ERBIN: variants seen among roughly 807,000 people sequenced by gnomAD.
The protein encoded by ERBIN is densin-180-like protein.
Under a neutral mutation model 158.4 loss-of-function variants are expected in ERBIN, and 60 were observed. The observed-to-expected ratio is 0.38, with a 90% CI of 0.31 to 0.47. ERBIN has a LOEUF of 0.47. Ranked by LOEUF, ERBIN falls within the 20% of genes least tolerant of loss-of-function variation. The probability of loss-of-function intolerance (pLI) is 0.99; values close to 1 mark genes in which losing one functional copy is unlikely to be tolerated. For synonymous variants in ERBIN, 594 were observed against 557.2 expected, an observed-to-expected ratio of 1.07 and a Z score of -0.93; for missense variants, 1,610 against 1,648.0, an observed-to-expected ratio of 0.98 and a Z score of 0.40.
intron 24 of ERBIN, 60 bp from the exon 25 acceptor site, chr5:66,076,815 T>G: frequency 7.8e-7 from 1 of 1,289,758 alleles, no homozygotes; most frequent in South Asian, 1.3e-5. Context: ...AAATTGCTCC[T>G]TGGTACTCTG....
At chr5:66,044,713 C>T (rs1240393384) in intron 17 of ERBIN, among the ~76,000 whole-genome samples, 2 of 151,370 alleles carry the variant, frequency 1.3e-5, no homozygotes, top group Admixed American at 6.6e-5. Flanking sequence ...TGCAGTGAGC[C>T]GAGATCGTAC....
chr5:65,949,737 G>T (rs1216030917), intron 1 of ERBIN, among the ~76,000 whole-genome samples: 2 of 152,150 alleles, frequency 1.3e-5, no homozygotes, highest in Non-Finnish European at 2.9e-5. Flanking sequence ...TTAAACTACA[G>T]AGTTTAATTG....
At chr5:65,960,044 T>C (rs2077932653) in intron 1 of ERBIN, among the ~76,000 whole-genome samples, 1 of 152,192 alleles carries the variant, frequency 6.6e-6, no homozygotes, top group African/African-American at 2.4e-5. Flanking sequence ...TATAGGGAGA[T>C]TTATAACAGC....
chr5:66,000,558 G>A (rs1215867116), intron 4 of ERBIN, among the ~76,000 whole-genome samples: 1 of 152,080 alleles, frequency 6.6e-6, no homozygotes. Flanking sequence ...AAAAGATTTA[G>A]GAAAAGTACT....
chr5:66,070,965 T>C (rs1309675958), intron 21 of ERBIN, among the ~76,000 whole-genome samples: 1 of 152,226 alleles, frequency 6.6e-6, no homozygotes, highest in African/African-American at 2.4e-5. Flanking sequence ...TATCACAATC[T>C]GTTTTGTTTT....
intron 21 of ERBIN, among the ~76,000 whole-genome samples, chr5:66,061,253 G>A (rs1303855146): frequency 1.3e-5 from 2 of 150,070 alleles, no homozygotes; most frequent in Non-Finnish European, 2.9e-5. Flanking sequence ...TATATATTTA[G>A]GATAGTTAGT....
At chr5:66,005,761 A>T (rs541625999) in intron 4 of ERBIN, among the ~76,000 whole-genome samples, 3 of 152,332 alleles carry the variant, frequency 2.0e-5, no homozygotes, top group Admixed American at 1.3e-4. Flanking sequence ...AGTAACAGAC[A>T]AACAGCCAAA....
intron 21 of ERBIN, among the ~76,000 whole-genome samples, chr5:66,061,040 T>A (rs1233593283): frequency 6.6e-6 from 1 of 151,984 alleles, no homozygotes; most frequent in Non-Finnish European, 1.5e-5. Context: ...GGGTGGAGAG[T>A]TCTGTAGATG....
At chr5:65,944,740 A>G (rs1745527591) in intron 1 of ERBIN, among the ~76,000 whole-genome samples, 1 of 152,114 alleles carries the variant, frequency 6.6e-6, no homozygotes, top group African/African-American at 2.4e-5. Flanking sequence ...ATAATTAGAG[A>G]TGTCGAGTAT....
At chr5:66,026,219 T>C (rs1756235407) in intron 12 of ERBIN, 83 bp from the exon 13 acceptor site, 1 of 880,560 alleles carries the variant, frequency 1.1e-6, no homozygotes, top group Admixed American at 3.1e-5. Context: ...GTATTTTTCA[T>C]AACTTTCAAA....
intron 14 of ERBIN, among the ~76,000 whole-genome samples, chr5:66,037,297 T>C (rs1757490697): frequency 6.6e-6 from 1 of 151,694 alleles, no homozygotes; most frequent in Non-Finnish European, 1.5e-5. Flanking sequence ...AGATTGACTA[T>C]GGAAGGTATG....
intron 21 of ERBIN, among the ~76,000 whole-genome samples, chr5:66,061,597 TG>T (rs1251725699): frequency 6.6e-6 from 1 of 152,234 alleles, no homozygotes; most frequent in Non-Finnish European, 1.5e-5. Context: ...TGATGTTAGC[TG>T]GTTATTTTGC....
chr5:65,932,194 C>G (rs1426657464), intron 1 of ERBIN, among the ~76,000 whole-genome samples: 1 of 151,890 alleles, frequency 6.6e-6, no homozygotes, highest in African/African-American at 2.4e-5. Flanking sequence ...AAAAAATTAG[C>G]TCGGTGTGGT....
Position 66,076,407 on chromosome 5 carries a change from A to T in ERBIN, c.4055A>T (p.Asp1352Val). Residue 1352 changes from aspartate to valine, a missense_variant and splice_region_variant, in exon 24 of 26, where the codon GAT (aspartate) becomes GTT (valine). Transcript: ENST00000284037. Reference sequence around the variant, plus strand: ...GGAAACCCATTCAGACCTGATGATGATGTAAGTTTTCTTTGTATATTCTTG... The same window carrying T: ...GGAAACCCATTCAGACCTGATGATGTTGTAAGTTTTCTTTGTATATTCTTG... Reference protein sequence around the residue: ...GRGNPFRPDDDGIFVTRVQPE... With the variant: ...GRGNPFRPDDVGIFVTRVQPE... 6 of 1,604,660 alleles carry T rather than the reference A, an allele frequency of 3.7e-6. No homozygotes were observed. The highest frequency in any genetic ancestry group is 5.1e-6 in the Non-Finnish European group (6 of 1,175,670).
chr5:66,068,189 T>TAAC lies in ERBIN; in HGVS notation c.3634-3973_3634-3971dup, dbSNP rs531327592. On this transcript the variant is annotated intron_variant, in intron 21 of 25. Transcript: ENST00000284037. ...ACAAAAATAATAATAATAATAATAATAACAACAACTAGCCAGGTGTGGTAA... is the reference window on the plus strand; with the variant it reads ...ACAAAAATAATAATAATAATAATAATAACAACAACAACTAGCCAGGTGTGGTAA... Among the ~76,000 whole-genome samples, 561 of 151,442 alleles carry TAAC rather than the reference T, an allele frequency of 3.7e-3. 6 individuals are homozygous for TAAC. Among genetic ancestry groups the TAAC allele is most frequent in the African/African-American group, 0.013 (542 of 41,218 alleles).
At chr5:66,051,511 A>G (rs1478800595) in intron 20 of ERBIN, among the ~76,000 whole-genome samples, 1 of 152,110 alleles carries the variant, frequency 6.6e-6, no homozygotes, top group East Asian at 1.9e-4. Flanking sequence ...TTTGAAAAGA[A>G]AAAAAAAGAA....
chr5:66,060,985 T>C (rs977441456), intron 21 of ERBIN, among the ~76,000 whole-genome samples: 2 of 152,172 alleles, frequency 1.3e-5, no homozygotes, highest in African/African-American at 4.8e-5. Flanking sequence ...AATTTTGGAA[T>C]AGGTGTGGTG....
chr5:66,023,194 A>G, intron 8 of ERBIN, 96 bp from the exon 9 acceptor site: 1 of 849,598 alleles, frequency 1.2e-6, no homozygotes, highest in Non-Finnish European at 1.9e-6. Context: ...ATTTGAAACT[A>G]AAGGTTATTA....
At chr5:66,066,522 T>TAAAAAAA (rs762065039) in intron 21 of ERBIN, among the ~76,000 whole-genome samples, 1 of 102,110 alleles carries the variant, frequency 9.8e-6, no homozygotes, top group African/African-American at 3.9e-5. Context: ...CTGCCAAAAA[T>TAAAAAAA]AAAAAAAAAA....
Sources: allele counts gnomAD v4.1 joint callset (sites outside exome capture counted in the v4.1 genomes callset), GRCh38; gene constraint gnomAD v4.1.1; transcripts MANE v1.5; gene names NCBI Gene and HGNC (gene_info 2026-07-23, HGNC 2026-07-21).